Variants in CHLSN observed in about 807,000 individuals in gnomAD.
The protein encoded by CHLSN is cholesin.
chr7:1,100,303 G>C, the CHLSN span, among the ~76,000 whole-genome samples: 1 of 152,244 alleles, frequency 6.6e-6, no homozygotes, highest in Admixed American at 6.5e-5. Flanking sequence ...AGCCGACAGA[G>C]GCTGGGTGCC....
the CHLSN span, chr7:1,093,102 A>AC: frequency 3.9e-5 from 26 of 665,840 alleles, 1 homozygote; most frequent in South Asian, 3.8e-4. Flanking sequence ...CGCAGGGTCC[A>AC]AAGGCCAGCG....
At chr7:1,035,991 C>T in the CHLSN span, among the ~76,000 whole-genome samples, 2 of 152,158 alleles carry the variant, frequency 1.3e-5, no homozygotes, top group Non-Finnish European at 2.9e-5. Context: ...CAGCATTCTG[C>T]GAAGTGACAG....
At chr7:1,115,332 C>A in the CHLSN span, among the ~76,000 whole-genome samples, 1 of 152,254 alleles carries the variant, frequency 6.6e-6, no homozygotes, top group African/African-American at 2.4e-5. Flanking sequence ...TCGGGAAACG[C>A]CCCACCACAG....
chr7:1,007,289 T>C, the CHLSN span, among the ~76,000 whole-genome samples: 1 of 152,212 alleles, frequency 6.6e-6, no homozygotes, highest in African/African-American at 2.4e-5. Context: ...GCGGCCAGCA[T>C]GTCCTTCCTG....
the CHLSN span, among the ~76,000 whole-genome samples, chr7:1,117,446 C>T: frequency 7.7e-6 from 1 of 129,806 alleles, no homozygotes. Context: ...ATCACAGACG[C>T]CCACGCAGGA....
the CHLSN span, among the ~76,000 whole-genome samples, chr7:1,039,549 G>A: frequency 7.1e-5 from 4 of 56,422 alleles, 1 homozygote; most frequent in African/African-American, 3.6e-4. Context: ...GGGAGGTGGG[G>A]GGGTGTCAGC....
At chr7:1,010,684 C>G in the CHLSN span, among the ~76,000 whole-genome samples, 1 of 152,154 alleles carries the variant, frequency 6.6e-6, no homozygotes, top group Non-Finnish European at 1.5e-5. Flanking sequence ...GGAGAGGGCC[C>G]GCTGTGACAA....
chr7:1,028,719 C>T, the CHLSN span: 1 of 714,792 alleles, frequency 1.4e-6, no homozygotes, highest in Non-Finnish European at 1.7e-6. Flanking sequence ...CTCTCATCTC[C>T]CCCAATCTGC....
At chr7:1,114,249 C>A in the CHLSN span, among the ~76,000 whole-genome samples, 3 of 152,238 alleles carry the variant, frequency 2.0e-5, no homozygotes, top group Non-Finnish European at 4.4e-5. Flanking sequence ...GCCTCTTCCA[C>A]GTGGTAGGAG....
At chr7:1,071,150 C>A in the CHLSN span, among the ~76,000 whole-genome samples, 1,254 of 152,356 alleles carry the variant, frequency 8.2e-3, 16 homozygotes, top group African/African-American at 0.029. Flanking sequence ...GCCCCGCACG[C>A]GGCTGTTCAA....
At chr7:1,059,473 T>A in the CHLSN span, among the ~76,000 whole-genome samples, 1 of 150,280 alleles carries the variant, frequency 6.7e-6, no homozygotes, top group Non-Finnish European at 1.5e-5. Flanking sequence ...AGGTCTGCAG[T>A]GAGGAGGGTC....
the CHLSN span, among the ~76,000 whole-genome samples, chr7:990,940 G>C: frequency 1.3e-5 from 2 of 152,074 alleles, no homozygotes; most frequent in Non-Finnish European, 2.9e-5. Context: ...GTGGGGTGGA[G>C]GACTCAGGCC....
chr7:1,043,770 T>C, the CHLSN span: 3 of 152,294 alleles, frequency 2.0e-5, no homozygotes, highest in Non-Finnish European at 2.9e-5. Flanking sequence ...CTGAACACAG[T>C]AGGCCACAGC....
chr7:982,517 G>A, the CHLSN span, among the ~76,000 whole-genome samples: 1 of 152,240 alleles, frequency 6.6e-6, no homozygotes, highest in Admixed American at 6.5e-5. Context: ...CCACCCGGCA[G>A]CCCTTCCATG....
At chr7:1,136,019 T>C in the CHLSN span, among the ~76,000 whole-genome samples, 4 of 120,690 alleles carry the variant, frequency 3.3e-5, no homozygotes, top group African/African-American at 1.0e-4. Context: ...AATATATATG[T>C]ATATATAAAT....
At chr7:988,392 G>C in the CHLSN span, 36 of 1,612,534 alleles carry the variant, frequency 2.2e-5, no homozygotes, top group African/African-American at 4.1e-4. Context: ...TTTGTGAAGC[G>C]GGAGGCCTTC....
the CHLSN span, among the ~76,000 whole-genome samples, chr7:1,016,146 G>GCACA: frequency 3.1e-5 from 3 of 96,282 alleles, no homozygotes; most frequent in African/African-American, 1.7e-4. Context: ...CCAGCACACA[G>GCACA]CAGCACACGC....
At chr7:1,002,193 G>GAGT in the CHLSN span, among the ~76,000 whole-genome samples, 1 of 127,954 alleles carries the variant, frequency 7.8e-6, no homozygotes. Flanking sequence ...TCCTGTGGGT[G>GAGT]GGGAGTCCTG....
the CHLSN span, among the ~76,000 whole-genome samples, chr7:996,441 C>T: frequency 8.2e-3 from 1,244 of 152,342 alleles, 13 homozygotes; most frequent in African/African-American, 0.029. Context: ...TCTGCTCCAC[C>T]GTCAGTTGGG....
Sources: allele counts gnomAD v4.1 joint callset (sites outside exome capture counted in the v4.1 genomes callset), GRCh38; gene constraint gnomAD v4.1.1; transcripts MANE v1.5; gene names NCBI Gene and HGNC (gene_info 2026-07-23, HGNC 2026-07-21).